MDGA2: variants seen among roughly 807,000 people sequenced by gnomAD.
The protein encoded by MDGA2 is MAM domain-containing glycosylphosphatidylinositol anchor protein 2.
In MDGA2, 40 loss-of-function variants were observed where a neutral mutation model predicts 117.8. That is an observed-to-expected ratio of 0.34 (90% confidence interval 0.26 to 0.44). The LOEUF (loss-of-function observed/expected upper bound fraction) is 0.44. Among genes scored for constraint, MDGA2 ranks in the 20% least tolerant of loss-of-function variants. The pLI, the probability that MDGA2 is intolerant of heterozygous loss-of-function variation, is 1.00. For missense variants in MDGA2, 1,123 were observed against 1,250.6 expected (o/e 0.90, Z 1.54); for synonymous variants, 452 against 439.0 (o/e 1.03, Z -0.37).
intron 14 of MDGA2, among the ~76,000 whole-genome samples, chr14:46,863,806 G>C (rs1281142854): frequency 6.6e-6 from 1 of 151,970 alleles, no homozygotes; most frequent in Non-Finnish European, 1.5e-5. Context: ...GTAGTTAGTG[G>C]TTCAAACCTG....
intron 4 of MDGA2, among the ~76,000 whole-genome samples, chr14:47,134,117 T>C (rs1241644442): frequency 2.0e-5 from 3 of 152,086 alleles, no homozygotes; most frequent in African/African-American, 4.8e-5. Context: ...TTTTATTCAC[T>C]TGTTAAATAC....
intron 8 of MDGA2, among the ~76,000 whole-genome samples, chr14:46,982,704 T>TAAAAAAAAAAA (rs1886719691): frequency 4.3e-5 from 1 of 22,994 alleles, no homozygotes; most frequent in African/African-American, 2.1e-4. Context: ...GGAGACTCCA[T>TAAAAAAAAAAA]CAAAAAAAAA....
intron 1 of MDGA2, chr14:47,444,417 A>G (rs1893078985): frequency 5.2e-6 from 1 of 191,264 alleles, no homozygotes; most frequent in Non-Finnish European, 1.1e-5. Flanking sequence ...ACGGCCCCAT[A>G]AGAACCTGAT....
chr14:47,472,286 C>T lies in MDGA2; in HGVS notation c.281-170736G>A, dbSNP rs1411337440. Among the ~76,000 whole-genome samples, 4 of 152,236 alleles carry T rather than the reference C, an allele frequency of 2.6e-5. No individual in the cohort carries two copies. The East Asian group carries it at 7.7e-4, about 29-fold the overall frequency. Reference sequence around the variant, plus strand: ...GAAATGCATCACTAGGCAATTCTGTCATTGTGCAAACATCATGGACTATAC... The same window carrying T: ...GAAATGCATCACTAGGCAATTCTGTTATTGTGCAAACATCATGGACTATAC... On this transcript the variant is annotated intron_variant, in intron 1 of 16. Transcript: ENST00000399232.
At chr14:47,233,241 A>G (rs1886749369) in intron 2 of MDGA2, among the ~76,000 whole-genome samples, 1 of 152,138 alleles carries the variant, frequency 6.6e-6, no homozygotes, top group African/African-American at 2.4e-5. Flanking sequence ...ATGAAGATAT[A>G]TTTCACAATA....
At chr14:47,235,798 C>T (rs1309858084) in intron 2 of MDGA2, among the ~76,000 whole-genome samples, 1 of 152,174 alleles carries the variant, frequency 6.6e-6, no homozygotes, top group African/African-American at 2.4e-5. Context: ...CTTATCCCTT[C>T]CTGTTCCTGT....
intron 1 of MDGA2, among the ~76,000 whole-genome samples, chr14:47,604,022 G>GC (rs1896695160): frequency 6.6e-6 from 1 of 152,130 alleles, no homozygotes; most frequent in Non-Finnish European, 1.5e-5. Context: ...CCGGTGCCAT[G>GC]CTTGTACACA....
intron 1 of MDGA2, among the ~76,000 whole-genome samples, chr14:47,586,116 C>A (rs1896320598): frequency 6.6e-6 from 1 of 151,926 alleles, no homozygotes; most frequent in African/African-American, 2.4e-5. Flanking sequence ...TCAATAATAT[C>A]TCCATTTCCC....
chr14:46,870,518 A>C (rs1204384836), intron 14 of MDGA2, among the ~76,000 whole-genome samples: 5 of 152,018 alleles, frequency 3.3e-5, no homozygotes, highest in Non-Finnish European at 7.4e-5. Flanking sequence ...TATCTCATCT[A>C]GCTTTAACTG....
chr14:47,410,441 G>GT (rs11409013), intron 1 of MDGA2, among the ~76,000 whole-genome samples: 2,560 of 151,752 alleles, frequency 0.017, 85 homozygotes, highest in African/African-American at 0.057. Context: ...TTTTCTTTTT[G>GT]TTTTTTTGTT....
chr14:47,431,530 T>G (rs987585103), intron 1 of MDGA2, among the ~76,000 whole-genome samples: 8 of 151,992 alleles, frequency 5.3e-5, no homozygotes, highest in Non-Finnish European at 8.8e-5. Flanking sequence ...ATTGTTATGA[T>G]GGAAAAAGCA....
rs553058298 is a variant in MDGA2 at position 46,947,384 on chromosome 14, A to T, written c.2089+9990T>A. The stretch of plus-strand genomic sequence containing the variant: ...GTACTTGATATTTTAAAATTCATTT[A>T]AATTTATCAGAGCATGTAAATTTTC... On this transcript the variant is annotated intron_variant, in intron 9 of 16. Transcript: ENST00000399232. Among the ~76,000 whole-genome samples, 9 of 152,208 alleles carry T rather than the reference A, an allele frequency of 5.9e-5. 1 individual carries two copies. The highest frequency in any genetic ancestry group is 1.9e-4 in the African/African-American group (8 of 41,538).
At chr14:47,403,132 T>A (rs1361732683) in intron 1 of MDGA2, among the ~76,000 whole-genome samples, 1 of 152,142 alleles carries the variant, frequency 6.6e-6, no homozygotes, top group Non-Finnish European at 1.5e-5. Context: ...AGTCACCACT[T>A]TCCATTTCCA....
rs562102431 is a variant in MDGA2, at chr14:47,374,266, A to G, written c.281-72716T>C. Among the ~76,000 whole-genome samples, 3 of 152,252 alleles carry G rather than the reference A, an allele frequency of 2.0e-5. No individual in the cohort carries two copies. In the East Asian group the frequency reaches 5.8e-4, roughly 29 times the overall value. Reference sequence around the variant, plus strand: ...ATATACATCTAAATAAGAGTGAAAGAATAAATCTCATTTAAGAGAAGTCCT... The same window carrying G: ...ATATACATCTAAATAAGAGTGAAAGGATAAATCTCATTTAAGAGAAGTCCT... On this transcript the variant is annotated intron_variant, in intron 1 of 16. Transcript: ENST00000399232.
chr14:47,267,947 G>A (rs932650071), intron 2 of MDGA2, among the ~76,000 whole-genome samples: 3 of 152,096 alleles, frequency 2.0e-5, no homozygotes, highest in African/African-American at 7.2e-5. Flanking sequence ...GTAGTACTGA[G>A]CAACGTTCTT....
intron 5 of MDGA2, among the ~76,000 whole-genome samples, chr14:47,130,041 T>C (rs1239293309): frequency 6.6e-6 from 1 of 151,698 alleles, no homozygotes; most frequent in East Asian, 1.9e-4. Context: ...ATTTTGTAGG[T>C]TGCCTGTTCA....
intron 1 of MDGA2, among the ~76,000 whole-genome samples, chr14:47,503,042 A>G (rs948423201): frequency 1.3e-5 from 2 of 152,188 alleles, no homozygotes; most frequent in African/African-American, 4.8e-5. Context: ...AAGTTTAAAC[A>G]CACATACACA....
At chr14:46,850,347 C>T (rs888267420) in intron 15 of MDGA2, among the ~76,000 whole-genome samples, 2 of 151,798 alleles carry the variant, frequency 1.3e-5, no homozygotes, top group African/African-American at 4.8e-5. Context: ...ACATGAATCA[C>T]GAATGTGTAA....
At chr14:47,507,295 A>C (rs1164602124) in intron 1 of MDGA2, among the ~76,000 whole-genome samples, 1 of 152,204 alleles carries the variant, frequency 6.6e-6, no homozygotes, top group East Asian at 1.9e-4. Context: ...AAGAGGATTT[A>C]GAAGACAGAA....
Sources: allele counts gnomAD v4.1 joint callset (sites outside exome capture counted in the v4.1 genomes callset), GRCh38; gene constraint gnomAD v4.1.1; transcripts MANE v1.5; gene names NCBI Gene and HGNC (gene_info 2026-07-23, HGNC 2026-07-21).